Variants in ELOVL6 observed in about 807,000 individuals in gnomAD.
ELOVL6 encodes the protein ELOVL fatty acid elongase 6.
In ELOVL6, 8 loss-of-function variants were observed where a neutral mutation model predicts 31.7. That is an observed-to-expected ratio of 0.25 (90% CI 0.15 to 0.45). The LOEUF (loss-of-function observed/expected upper bound fraction) is 0.45, where lower values mean the gene tolerates loss of function less well. Among genes scored for constraint, ELOVL6 ranks in the 20% least tolerant of loss-of-function variants. The pLI is 1.00. For missense variants in ELOVL6, 126 were observed against 326.4 expected (o/e 0.39, Z 4.73); for synonymous variants, 101 against 117.7 (o/e 0.86, Z 0.92).
intron 2 of ELOVL6, among the ~76,000 whole-genome samples, chr4:110,084,369 G>GC: frequency 2.9e-5 from 1 of 34,710 alleles, no homozygotes; most frequent in South Asian, 8.6e-4. Context: ...CCGCATATAT[G>GC]ATATATGATA....
At chr4:110,095,239 T>C (rs1184593386) in intron 2 of ELOVL6, among the ~76,000 whole-genome samples, 1 of 152,146 alleles carries the variant, frequency 6.6e-6, no homozygotes, top group Non-Finnish European at 1.5e-5. Flanking sequence ...CCCAGCACTT[T>C]GGGAGATTGA....
chr4:110,183,162 G>C (rs1274403756), intron 1 of ELOVL6, among the ~76,000 whole-genome samples: 1 of 152,088 alleles, frequency 6.6e-6, no homozygotes, highest in East Asian at 1.9e-4. Flanking sequence ...ATGTTTCTTT[G>C]CTACTACGGG....
At position 110,117,903 on chromosome 4, in the gene ELOVL6, A is replaced by AATTAT. The variant is rs1553958740; in HGVS notation, c.90-12276_90-12275insATAAT. 5.1e-3 allele frequency: 33 copies of AATTAT among 6,502 alleles called. 5 individuals carry two copies. The highest frequency in any genetic ancestry group is 9.8e-3 in the African/African-American group (30 of 3,062). 0.4% of individuals were successfully genotyped at this position (6,502 alleles called of 1,614,324 possible). A position where few individuals can be genotyped will look rare whatever the true frequency, so the allele number is the denominator to read the frequency against. On this transcript the variant is annotated intron_variant, in intron 1 of 3. Transcript: ENST00000302274. ...TCTCAAAAAAAAAAAAAAAAAAAAA[A>AATTAT]ATATATATATATATATATATATCTC...
chr4:110,140,822 A>G (rs867616904), intron 1 of ELOVL6, among the ~76,000 whole-genome samples: 1 of 151,756 alleles, frequency 6.6e-6, no homozygotes, highest in Non-Finnish European at 1.5e-5. Context: ...AAGTTTAGCA[A>G]AATCTAAATA....
At chr4:110,122,861 C>A (rs1424401884) in intron 1 of ELOVL6, among the ~76,000 whole-genome samples, 4 of 152,220 alleles carry the variant, frequency 2.6e-5, no homozygotes, top group Non-Finnish European at 5.9e-5. Flanking sequence ...CCTTCCCATG[C>A]AACCTTGTCA....
chr4:110,141,403 T>A (rs1456247915), intron 1 of ELOVL6, among the ~76,000 whole-genome samples: 1 of 152,036 alleles, frequency 6.6e-6, no homozygotes, highest in Non-Finnish European at 1.5e-5. Context: ...AACTCTAACC[T>A]TTGGCCCCAT....
intron 1 of ELOVL6, among the ~76,000 whole-genome samples, chr4:110,193,937 G>T (rs916351044): frequency 2.0e-5 from 3 of 152,178 alleles, no homozygotes; most frequent in East Asian, 3.9e-4. Flanking sequence ...ACAGCAGTCA[G>T]CACAGGCCTC....
intron 1 of ELOVL6, among the ~76,000 whole-genome samples, chr4:110,120,095 C>A (rs11723007): frequency 2.0e-5 from 3 of 151,974 alleles, no homozygotes; most frequent in East Asian, 1.9e-4. Context: ...ATGTGTCTTC[C>A]CCTATTCCCA....
intron 1 of ELOVL6, among the ~76,000 whole-genome samples, chr4:110,156,741 G>A (rs1758435131): frequency 6.6e-6 from 1 of 152,170 alleles, no homozygotes; most frequent in East Asian, 1.9e-4. Flanking sequence ...TCTTTTTCAG[G>A]ACAGAAGAGA....
At chr4:110,160,986 C>A in intron 1 of ELOVL6, among the ~76,000 whole-genome samples, 1 of 152,188 alleles carries the variant, frequency 6.6e-6, no homozygotes, top group East Asian at 1.9e-4. Context: ...AAGTCATTAT[C>A]CAGTACAATT....
At chr4:110,084,213 T>C (rs1323808669) in intron 2 of ELOVL6, among the ~76,000 whole-genome samples, 1 of 75,496 alleles carries the variant, frequency 1.3e-5, no homozygotes, top group Non-Finnish European at 2.3e-5. Flanking sequence ...ATATATAACA[T>C]ATAACTTATA....
At chr4:110,170,074 C>T (rs1758900468) in intron 1 of ELOVL6, among the ~76,000 whole-genome samples, 1 of 151,622 alleles carries the variant, frequency 6.6e-6, no homozygotes, top group South Asian at 2.1e-4. Flanking sequence ...TTTGGCCTCC[C>T]AAAGTGCTAG....
At chr4:110,158,936 C>A (rs1461223120) in intron 1 of ELOVL6, among the ~76,000 whole-genome samples, 3 of 152,062 alleles carry the variant, frequency 2.0e-5, no homozygotes. Context: ...GCTGGGATTA[C>A]AGGCATGAGC....
chr4:110,098,768 G>C (rs1756662577), intron 2 of ELOVL6, among the ~76,000 whole-genome samples: 1 of 151,902 alleles, frequency 6.6e-6, no homozygotes, highest in Non-Finnish European at 1.5e-5. Flanking sequence ...TGTTACTTCT[G>C]CCCTTTTGGT....
chr4:110,066,045 T>G (rs1163518982), intron 2 of ELOVL6, among the ~76,000 whole-genome samples: 1 of 152,120 alleles, frequency 6.6e-6, no homozygotes, highest in African/African-American at 2.4e-5. Context: ...ATTAGGCAAT[T>G]AAAATGTTTT....
intron 2 of ELOVL6, among the ~76,000 whole-genome samples, chr4:110,103,950 T>A (rs189524891): frequency 6.6e-6 from 1 of 152,322 alleles, no homozygotes; most frequent in East Asian, 1.9e-4. Flanking sequence ...CATGGTATGA[T>A]TTCAATAAGA....
chr4:110,089,241 T>C (rs1302806589), intron 2 of ELOVL6, among the ~76,000 whole-genome samples: 1 of 152,176 alleles, frequency 6.6e-6, no homozygotes, highest in Non-Finnish European at 1.5e-5. Flanking sequence ...GAGACGGTAG[T>C]GTATAAAAAC....
chr4:110,086,629 G>A (rs1012914404), intron 2 of ELOVL6, among the ~76,000 whole-genome samples: 2 of 152,084 alleles, frequency 1.3e-5, no homozygotes, highest in Non-Finnish European at 2.9e-5. Context: ...GACCACTATT[G>A]GTTAATTATG....
At chr4:110,094,580 T>C (rs1349688524) in intron 2 of ELOVL6, among the ~76,000 whole-genome samples, 1 of 150,076 alleles carries the variant, frequency 6.7e-6, no homozygotes, top group Admixed American at 6.7e-5. Flanking sequence ...ACAAGGGCCC[T>C]GAGGCAGAGG....
Sources: allele counts gnomAD v4.1 joint callset (sites outside exome capture counted in the v4.1 genomes callset), GRCh38; gene constraint gnomAD v4.1.1; transcripts MANE v1.5; gene names NCBI Gene and HGNC (gene_info 2026-07-23, HGNC 2026-07-21).